COL6A5: variants seen among roughly 807,000 people sequenced by gnomAD.
COL6A5 encodes collagen alpha-5(VI) chain.
In COL6A5, 48 loss-of-function variants were observed where a neutral mutation model predicts 65.6. That is an observed-to-expected ratio of 0.73 (90% CI 0.58 to 0.93). The LOEUF (loss-of-function observed/expected upper bound fraction) is 0.93. COL6A5 is among the 40% of genes least tolerant of loss of function. COL6A5 has a pLI of 0.00. For missense variants in COL6A5, 914 were observed against 928.3 expected (o/e 0.98, Z 0.20); for synonymous variants, 291 against 322.8 (o/e 0.90, Z 1.05).
At chr3:130,412,789 C>A (rs1333819939) in intron 20 of COL6A5, among the ~76,000 whole-genome samples, 1 of 152,134 alleles carries the variant, frequency 6.6e-6, no homozygotes, top group Non-Finnish European at 1.5e-5. Flanking sequence ...CCTGGTGGAG[C>A]TGATACTTGA....
At chr3:130,385,220 G>A (rs866580929) in exon 5 of COL6A5, 25 of 1,550,928 alleles carry the variant, frequency 1.6e-5, no homozygotes, top group African/African-American at 1.5e-4. Flanking sequence ...GCAAATCACT[G>A]TTCATGCAGT....
chr3:130,469,604 G>A (rs1466470769), intron 6 of COL6A5, 123 bp downstream of exon 38: 2 of 785,354 alleles, frequency 2.5e-6, no homozygotes, highest in South Asian at 2.2e-5. Flanking sequence ...TAAGTGAGTA[G>A]GAGGCAGTAA....
chr3:130,384,683 C>A, intron 4 of COL6A5, 121 bp from the exon 5 acceptor site: 1 of 737,354 alleles, frequency 1.4e-6, no homozygotes, highest in Non-Finnish European at 2.2e-6. Context: ...AGTGTGCAGG[C>A]TCTACGCAAA....
chr3:130,423,744 T>A (rs201856008), intron 28 of COL6A5, 94 bp from the exon 29 acceptor site: 22 of 75,580 alleles, frequency 2.9e-4, no homozygotes, highest in Middle Eastern at 2.1e-3. Context: ...CTTTTTAAAA[T>A]TTTTTTTAAA....
At chr3:130,391,006 A>G (rs2107652937) in intron 6 of COL6A5, among the ~76,000 whole-genome samples, 173 bp from the exon 7 acceptor site, 1 of 152,290 alleles carries the variant, frequency 6.6e-6, no homozygotes, top group East Asian at 1.9e-4. Flanking sequence ...CACTTCTCTG[A>G]GCCTTGACTT....
In COL6A5 at chr3:130,413,539, T is replaced by C; in HGVS notation, c.4663-6T>C. On this transcript the variant is annotated splice_polypyrimidine_tract_variant and splice_region_variant and intron_variant and NMD_transcript_variant, in intron 20 of 41. Transcript: ENST00000312481. ...ACATACTAACAGTTTGCCTTTTCTG[T>C]CCCAGGGAAGAGAAGGTCAAAGGGG... The C allele has an allele frequency of 6.5e-7, 1 of 1,548,456 alleles. No homozygotes were observed.
chr3:130,357,551 C>G (rs929173362), intron 1 of COL6A5, among the ~76,000 whole-genome samples: 1 of 152,068 alleles, frequency 6.6e-6, no homozygotes, highest in Non-Finnish European at 1.5e-5. Context: ...TGCAAAATTC[C>G]CGAATCAAAT....
At chr3:130,478,887 G>A (rs1232544025) in intron 7 of COL6A5, among the ~76,000 whole-genome samples, 3 of 152,098 alleles carry the variant, frequency 2.0e-5, no homozygotes, top group African/African-American at 4.8e-5. Context: ...GTGCATCATG[G>A]AGTGAGGGTG....
intron 1 of COL6A5, among the ~76,000 whole-genome samples, chr3:130,438,040 C>T (rs1478557003): frequency 6.6e-6 from 1 of 151,896 alleles, no homozygotes; most frequent in Non-Finnish European, 1.5e-5. Context: ...GCTCTGTCAC[C>T]CCGGTTGGAG....
At chr3:130,356,067 T>G (rs903708762) in intron 1 of COL6A5, among the ~76,000 whole-genome samples, 14 of 152,178 alleles carry the variant, frequency 9.2e-5, no homozygotes, top group Non-Finnish European at 1.3e-4. Flanking sequence ...GCATCTTCTT[T>G]TTTTCAACCA....
rs537224684 is a variant in COL6A5 at position 130,405,613 on chromosome 3, A to G, written c.4307A>G (p.Gln1436Arg). Reference sequence around the variant, plus strand: ...GGAGTACGAGGAGACACAGGACCCCAAGGAGACAAAGGGATTGCAGGATGT... The same window carrying G: ...GGAGTACGAGGAGACACAGGACCCCGAGGAGACAAAGGGATTGCAGGATGT... Residue 1436 changes from glutamine (Q) to arginine (R), a missense_variant and NMD_transcript_variant, in exon 14 of 42, where the codon CAA becomes CGA. By Grantham distance (43) the Gln-to-Arg change is conservative (BLOSUM62 1). Transcript: ENST00000312481. The G allele has an allele frequency of 6.9e-5, 107 of 1,550,948 alleles. No homozygotes were observed. In the East Asian group the frequency reaches 1.8e-3, roughly 27 times the overall value.
chr3:130,380,577 A>C (rs934284845), intron 4 of COL6A5, among the ~76,000 whole-genome samples: 1 of 152,124 alleles, frequency 6.6e-6, no homozygotes, highest in African/African-American at 2.4e-5. Context: ...GATGCTGGAA[A>C]TGTTCTTTAT....
chr3:130,473,999 AC>A (rs1710026523), intron 7 of COL6A5, among the ~76,000 whole-genome samples: 1 of 152,098 alleles, frequency 6.6e-6, no homozygotes, highest in South Asian at 2.1e-4. Context: ...ACTTGTAATG[AC>A]ATCTCAAGTA....
chr3:130,393,067 G>GTTT (rs59517354), intron 7 of COL6A5, among the ~76,000 whole-genome samples: 10 of 109,216 alleles, frequency 9.2e-5, no homozygotes, highest in Non-Finnish European at 1.5e-4. Context: ...TGCTTACAGT[G>GTTT]TTTTTTTTTT....
intron 7 of COL6A5, among the ~76,000 whole-genome samples, chr3:130,392,416 G>A (rs897355019): frequency 6.6e-6 from 1 of 152,180 alleles, no homozygotes; most frequent in African/African-American, 2.4e-5. Context: ...AGTGAGGACA[G>A]GGTGACACTT....
In COL6A5 at chr3:130,431,853, G is replaced by T. The variant is rs1431652639; in HGVS notation, c.393G>T (p.Arg131Ser). 2.6e-6 allele frequency: 4 copies of T among 1,551,478 alleles called. No homozygotes were observed. Among genetic ancestry groups the T allele is most frequent in the Non-Finnish European group, 3.5e-6 (4 of 1,146,944 alleles). Residue 131 changes from arginine to serine, a missense_variant, in exon 1 of 8, where the codon AGG (arginine) becomes AGT (serine). By Grantham distance (110) the Arg-to-Ser change is moderately radical. Transcript: ENST00000512836. ...TTAGCAATGGTCAAACAGCCAGTAGGTCATCCATCATCACGGCCACCATGG... is the reference window on the plus strand; with the variant it reads ...TTAGCAATGGTCAAACAGCCAGTAGTTCATCCATCATCACGGCCACCATGG...
At chr3:130,474,904 G>A (rs1710049720) in intron 7 of COL6A5, among the ~76,000 whole-genome samples, 2 of 148,434 alleles carry the variant, frequency 1.3e-5, no homozygotes, top group Non-Finnish European at 3.0e-5. Flanking sequence ...GTACTCAGGT[G>A]ACTGAGGTGG....
intron 1 of COL6A5, among the ~76,000 whole-genome samples, chr3:130,363,211 A>G (rs1182085421): frequency 1.3e-5 from 2 of 152,174 alleles, no homozygotes; most frequent in Non-Finnish European, 2.9e-5. Flanking sequence ...GTTTGCATTT[A>G]TAACTAATCC....
intron 5 of COL6A5, among the ~76,000 whole-genome samples, chr3:130,461,794 A>G (rs1355361845): frequency 6.6e-6 from 1 of 151,918 alleles, no homozygotes; most frequent in East Asian, 1.9e-4. Context: ...CCTTCTTATA[A>G]ACTCATCCAG....
Sources: allele counts gnomAD v4.1 joint callset (sites outside exome capture counted in the v4.1 genomes callset), GRCh38; gene constraint gnomAD v4.1.1; transcripts MANE v1.5; gene names NCBI Gene and HGNC (gene_info 2026-07-23, HGNC 2026-07-21).